The following BNC2 variants were observed in gnomAD, a reference collection of about 807,000 sequenced individuals.
BNC2 encodes the protein zinc finger protein basonuclin-2.
BNC2 carries 20 observed loss-of-function variants against 76.3 expected under a neutral mutation model. That is an observed-to-expected ratio of 0.26 (90% CI 0.18 to 0.38). BNC2 has a LOEUF of 0.38. BNC2 is among the 10% of genes least tolerant of loss of function. The pLI is 1.00. For missense variants in BNC2, 1,382 were observed against 1,399.8 expected (o/e 0.99, Z 0.20); for synonymous variants, 582 against 514.8 (o/e 1.13, Z -1.77).
chr9:16,798,604 T>C (rs1479337866), intron 1 of BNC2, among the ~76,000 whole-genome samples: 1 of 152,142 alleles, frequency 6.6e-6, no homozygotes, highest in African/African-American at 2.4e-5. Context: ...AAGGAGTTCC[T>C]CCAACCAGAA....
At chr9:16,464,267 C>T (rs371734986) in intron 5 of BNC2, among the ~76,000 whole-genome samples, 1 of 152,094 alleles carries the variant, frequency 6.6e-6, no homozygotes, top group African/African-American at 2.4e-5. Context: ...ACAATCTGCA[C>T]AGGACTGGCA....
chr9:16,787,421 C>CA (rs1826326618), intron 1 of BNC2, among the ~76,000 whole-genome samples: 1 of 152,196 alleles, frequency 6.6e-6, no homozygotes, highest in South Asian at 2.1e-4. Flanking sequence ...ACTCTGGAGC[C>CA]ACGCTGCCTG....
intron 3 of BNC2, among the ~76,000 whole-genome samples, chr9:16,597,418 C>T (rs1042270074): frequency 5.3e-5 from 8 of 152,088 alleles, no homozygotes; most frequent in Admixed American, 3.9e-4. Context: ...TAATACATTT[C>T]AACTTATCAC....
At chr9:16,597,444 G>C (rs895425579) in intron 3 of BNC2, among the ~76,000 whole-genome samples, 1 of 152,080 alleles carries the variant, frequency 6.6e-6, no homozygotes, top group African/African-American at 2.4e-5. Context: ...CTAATGGGGA[G>C]AGTACAAACC....
chr9:16,504,147 C>A (rs528946946), intron 5 of BNC2, among the ~76,000 whole-genome samples: 1 of 152,140 alleles, frequency 6.6e-6, no homozygotes, highest in South Asian at 2.1e-4. Flanking sequence ...GTTTCCTCAT[C>A]TGCGAAATAA....
chr9:16,701,207 C>T (rs1415632507), intron 3 of BNC2, among the ~76,000 whole-genome samples: 2 of 152,210 alleles, frequency 1.3e-5, no homozygotes, highest in African/African-American at 2.4e-5. Flanking sequence ...GTTCTACATA[C>T]TGACTTCCTC....
intron 1 of BNC2, among the ~76,000 whole-genome samples, chr9:16,861,935 G>C (rs1819420952): frequency 6.6e-6 from 1 of 151,884 alleles, no homozygotes; most frequent in Admixed American, 6.6e-5. Context: ...CTTGCAGTGA[G>C]CCGAGATTGC....
At chr9:16,835,845 G>A (rs1818693973) in intron 1 of BNC2, among the ~76,000 whole-genome samples, 1 of 152,168 alleles carries the variant, frequency 6.6e-6, no homozygotes, top group Non-Finnish European at 1.5e-5. Flanking sequence ...GGTTTTAGAA[G>A]AATTGGCGTC....
At chr9:16,678,548 G>A (rs1046684908) in intron 3 of BNC2, among the ~76,000 whole-genome samples, 2 of 151,564 alleles carry the variant, frequency 1.3e-5, no homozygotes, top group Non-Finnish European at 2.9e-5. Flanking sequence ...ACAGGCGTGA[G>A]CCACCGCGCC....
At chr9:16,640,488 T>C (rs1304148280) in intron 3 of BNC2, among the ~76,000 whole-genome samples, 6 of 152,214 alleles carry the variant, frequency 3.9e-5, no homozygotes, top group South Asian at 2.1e-4. Flanking sequence ...TAAATTTTCA[T>C]TTACTGGTTA....
chr9:16,801,744 AC>A (rs200119742), intron 1 of BNC2, among the ~76,000 whole-genome samples: 30 of 7,768 alleles, frequency 3.9e-3, no homozygotes, highest in East Asian at 4.8e-3. Context: ...AAAAAAAAAA[AC>A]ACACACACAC....
At position 16,726,633 on chromosome 9, in the gene BNC2, G is replaced by A. The variant is rs559739880; in HGVS notation, c.330+1164C>T. On this transcript the variant is annotated intron_variant, in intron 3 of 6. Coordinates refer to ENST00000380672, the MANE Select transcript of BNC2 (RefSeq NM_017637.6). ...GGCACAACATTTCTTAATAACCGCC[G>A]TCAACTTAAAATCCAAGTATATTTG... Among the ~76,000 whole-genome samples, 202 of 150,544 alleles carry A rather than the reference G, an allele frequency of 1.3e-3. 1 individual carries two copies. Among genetic ancestry groups the A allele is most frequent in the Middle Eastern group, 3.6e-3 (1 of 280 alleles).
Position 16,709,043 on chromosome 9 carries a change from G to C in BNC2, c.330+18754C>G, listed in dbSNP as rs575213140. Among the ~76,000 whole-genome samples the C allele has an allele frequency of 1.8e-3, 280 of 152,286 alleles. 1 individual carries two copies. The highest frequency in any genetic ancestry group is 3.5e-3 in the Admixed American group (53 of 15,298). On this transcript the variant is annotated intron_variant, in intron 3 of 6. Coordinates refer to ENST00000380672, the MANE Select transcript of BNC2 (RefSeq NM_017637.6). ...TAAATTTATCAAAAACGCACGCAAA[G>C]GGAGGCAGCTTCGGCTTCACCGCTG... is the stretch of plus-strand genomic sequence containing the variant.
At chr9:16,735,724 T>G (rs1490647717) in intron 2 of BNC2, among the ~76,000 whole-genome samples, 1 of 151,792 alleles carries the variant, frequency 6.6e-6, no homozygotes, top group Non-Finnish European at 1.5e-5. Flanking sequence ...AGGCTGGTCT[T>G]GAACTCCTGG....
In BNC2 at chr9:16,796,738, TGAGTAGAATC is replaced by T. The variant is rs564325034; in HGVS notation, c.4-58263_4-58254del. ...TCCTGCTGTTTCAAGAGAATGTACT[TGAGTAGAATC>T]GTATTTGACAAATCTTTATAAATGG... On this transcript the variant is annotated intron_variant, in intron 1 of 6. Transcript: ENST00000380672. 6.6e-5 allele frequency among the ~76,000 whole-genome samples: 10 copies of T among 152,276 alleles called. No individual in the cohort carries two copies. The South Asian group carries it at 2.1e-3, about 32-fold the overall frequency.
intron 5 of BNC2, among the ~76,000 whole-genome samples, chr9:16,513,299 CTTTTTTTTTTTTTTT>C (rs1202222924): frequency 1.2e-5 from 1 of 85,560 alleles, no homozygotes; most frequent in African/African-American, 4.7e-5. Flanking sequence ...AGAAAAGGTT[CTTTTTTTTTTTTTTT>C]TTTTTTTTTT....
intron 1 of BNC2, among the ~76,000 whole-genome samples, chr9:16,777,582 T>G (rs1826003594): frequency 6.6e-6 from 1 of 151,282 alleles, no homozygotes; most frequent in African/African-American, 2.4e-5. Context: ...GTGCCTGTAG[T>G]CCCAGCTACT....
At chr9:16,432,539 C>T (rs777880043) in intron 6 of BNC2, among the ~76,000 whole-genome samples, 5 of 152,146 alleles carry the variant, frequency 3.3e-5, no homozygotes, top group African/African-American at 4.8e-5. Flanking sequence ...CCAAGGTGTT[C>T]GAATCATGAA....
intron 5 of BNC2, among the ~76,000 whole-genome samples, chr9:16,505,107 G>A (rs1474209206): frequency 1.3e-5 from 2 of 152,312 alleles, no homozygotes; most frequent in East Asian, 3.9e-4. Flanking sequence ...GGAAAGAACA[G>A]AACCTATCTT....
Sources: gnomAD v4.1 joint callset for allele counts (sites outside exome capture counted in the v4.1 genomes callset) on GRCh38, gnomAD v4.1.1 for gene constraint, MANE v1.5 for transcripts, NCBI Gene and HGNC (gene_info 2026-07-23, HGNC 2026-07-21) for gene names.